The following CFLAR variants were observed in gnomAD, a reference collection of about 807,000 sequenced individuals.
CFLAR encodes the protein CASP8 and FADD-like apoptosis regulator.
Under a neutral mutation model 51.1 loss-of-function variants are expected in CFLAR, and 14 were observed. That is an observed-to-expected ratio of 0.27 (90% CI 0.18 to 0.43). The LOEUF (loss-of-function observed/expected upper bound fraction) is 0.43. Ranked by LOEUF, CFLAR falls within the 20% of genes least tolerant of loss-of-function variation. The pLI, the probability that CFLAR is intolerant of heterozygous loss-of-function variation, is 1.00. For synonymous variants in CFLAR, 210 were observed against 211.6 expected (o/e 0.99, Z 0.06); for missense variants, 390 against 566.5 (o/e 0.69, Z 3.16).
rs1944173939 is a variant in CFLAR at position 201,176,448 on chromosome 2, A to G, written c.*12475A>G. 1 of 152,114 alleles carries G rather than the reference A, an allele frequency of 6.6e-6. No homozygotes were observed. The allele number at this position is 152,114 out of a possible 1,614,324, so 9.4% of individuals were successfully genotyped here. ...GCCTTGCTCAGACCTGAATGTACCC[A>G]TTGTAACAAACCCCTTCTTTGTATA... On this transcript the variant is annotated 3_prime_UTR_variant, in exon 10 of 10. Coordinates refer to ENST00000309955, the MANE Select transcript of CFLAR (RefSeq NM_003879.7).
chr2:201,138,015 T>G lies in CFLAR; in HGVS notation c.523+1908T>G. The G allele has an allele frequency of 1.4e-6, 1 of 734,542 alleles. No homozygotes were observed. The highest frequency in any genetic ancestry group is 1.9e-5 in the Admixed American group (1 of 53,888). 45.5% of individuals were successfully genotyped at this position (734,542 alleles called of 1,614,324 possible). On this transcript the variant is annotated intron_variant, in intron 4 of 9. Transcript: ENST00000309955. This position sits in a 1 kb window ranked among gnomAD's most constrained non-coding sequence, Gnocchi z 4.0. Reference sequence around the variant, plus strand: ...AAAGTTCTGGGTATGCTTGGCCACCTTGTACACAGCAGTGCCCTGGGGCTG... The same window carrying G: ...AAAGTTCTGGGTATGCTTGGCCACCGTGTACACAGCAGTGCCCTGGGGCTG...
Position 201,150,012 on chromosome 2 carries a change from T to C in CFLAR, c.793+177T>C, listed in dbSNP as rs1389686384. On this transcript the variant is annotated intron_variant, in intron 8 of 9. Coordinates refer to ENST00000309955, the MANE Select transcript of CFLAR (RefSeq NM_003879.7). ...ATTCCAGCACTTTGTGAGGCTGAGA[T>C]GGGAGGATCACTTGAGCCCAGTTAA... 9.4e-6 allele frequency: 5 copies of C among 533,154 alleles called. No individual in the cohort carries two copies. The East Asian group carries it at 1.7e-4, about 18-fold the overall frequency. 33.0% of individuals were successfully genotyped at this position (533,154 alleles called of 1,614,324 possible).
At chr2:201,162,057 A>T (rs1943102374) in intron 9 of CFLAR, among the ~76,000 whole-genome samples, 1 of 151,618 alleles carries the variant, frequency 6.6e-6, no homozygotes, top group African/African-American at 2.4e-5. Context: ...CACCTTCCAG[A>T]TCTTTTTTTA....
At chr2:201,156,699 G>C (rs1393135473) in intron 8 of CFLAR, among the ~76,000 whole-genome samples, 1 of 152,102 alleles carries the variant, frequency 6.6e-6, no homozygotes, top group African/African-American at 2.4e-5. Context: ...TGCAAGGCCA[G>C]AAGAACCCCT....
intron 8 of CFLAR, chr2:201,153,578 A>C (rs1339988053): frequency 6.6e-6 from 1 of 152,220 alleles, no homozygotes; most frequent in African/African-American, 2.4e-5. Context: ...CTGTCTGGTT[A>C]ACTTTGCCAT....
chr2:201,149,198 A>G, intron 7 of CFLAR, 146 bp downstream of exon 7: 1 of 577,940 alleles, frequency 1.7e-6, no homozygotes, highest in Admixed American at 3.0e-5. Flanking sequence ...ATACAAGGGA[A>G]CCCTGAATAA....
chr2:201,129,862 T>A lies in CFLAR; in HGVS notation c.-4T>A. 1 of 1,613,644 alleles carries A rather than the reference T, an allele frequency of 6.2e-7. No homozygotes were observed. The highest frequency in any genetic ancestry group is 8.5e-7 in the Non-Finnish European group (1 of 1,179,724). On this transcript the variant is annotated 5_prime_UTR_variant, in exon 2 of 10. Coordinates refer to ENST00000309955, the MANE Select transcript of CFLAR (RefSeq NM_003879.7). ...CTTGTGAGCTTCCCTAGTCTAAGAGTAGGATGTCTGCTGAAGTCATCCATC... is the reference window on the plus strand; with the variant it reads ...CTTGTGAGCTTCCCTAGTCTAAGAGAAGGATGTCTGCTGAAGTCATCCATC...
rs1943779904 is a variant in CFLAR, at chr2:201,168,227, G to C, written c.*4254G>C. 1 of 152,156 alleles carries C rather than the reference G, an allele frequency of 6.6e-6. No individual in the cohort carries two copies. Among genetic ancestry groups the C allele is most frequent in the African/African-American group, 2.4e-5 (1 of 41,428 alleles). 9.4% of individuals were successfully genotyped at this position (152,156 alleles called of 1,614,324 possible). ...ACTGCACTCCAGCCTGGGCGACAGT[G>C]CGAGACTCTGTCTCAAAAATAAATA... On this transcript the variant is annotated 3_prime_UTR_variant, in exon 10 of 10. Coordinates refer to ENST00000309955, the MANE Select transcript of CFLAR (RefSeq NM_003879.7).
chr2:201,145,473 T>C (rs1939938659), intron 6 of CFLAR, 41 bp downstream of exon 6: 1 of 1,244,054 alleles, frequency 8.0e-7, no homozygotes, highest in South Asian at 1.2e-5. Flanking sequence ...TTATAAATGC[T>C]TGATAATTCT....
At chr2:201,130,187 G>GGGGGGGGGGGGGGCC in intron 2 of CFLAR, 41 bp downstream of exon 2, 14 of 292,372 alleles carry the variant, frequency 4.8e-5, no homozygotes, top group East Asian at 1.9e-4. Flanking sequence ...GGGTGGGAGG[G>GGGGGGGGGGGGGGCC]AGTGAAGTGT....
At chr2:201,162,323 C>T (rs1208478215) in intron 9 of CFLAR, among the ~76,000 whole-genome samples, 1 of 151,888 alleles carries the variant, frequency 6.6e-6, no homozygotes, top group African/African-American at 2.4e-5. Flanking sequence ...AGGCTGGTCC[C>T]GAACTCCTGA....
At chr2:201,130,232 TAAG>T (rs1454086899) in intron 2 of CFLAR, 86 bp downstream of exon 2, 13 of 1,294,950 alleles carry the variant, frequency 1.0e-5, no homozygotes, top group Middle Eastern at 2.8e-4. Flanking sequence ...ACGAGGATAA[TAAG>T]AAGTGCAGCC....
rs1943883383 is a variant in CFLAR, at chr2:201,169,537, T to A, written c.*5564T>A. The A allele has an allele frequency of 6.6e-6, 1 of 152,134 alleles. No individual in the cohort carries two copies. Among genetic ancestry groups the A allele is most frequent in the African/African-American group, 2.4e-5 (1 of 41,414 alleles). The allele number at this position is 152,134 out of a possible 1,614,324, so 9.4% of individuals were successfully genotyped here. A position where few individuals can be genotyped will look rare whatever the true frequency, so the allele number is the denominator to read the frequency against. ...AATCTATTTAATACCATTCAAGACA[T>A]AGGCACAAGCAAAGGTTTCATGACA... On this transcript the variant is annotated 3_prime_UTR_variant, in exon 10 of 10. Transcript: ENST00000309955.
In CFLAR at chr2:201,147,358, G is replaced by A. The variant is rs541649885; in HGVS notation, c.662-1645G>A. ...AACCTGGGCAACATGGTGAAACCCC[G>A]TCTCTACTAAAAATACAAAAATTAC... On this transcript the variant is annotated intron_variant, in intron 6 of 9. Transcript: ENST00000309955. Among the ~76,000 whole-genome samples the A allele has an allele frequency of 3.3e-5, 5 of 151,962 alleles. No homozygotes were observed. The South Asian group carries it at 8.3e-4, about 25-fold the overall frequency.
chr2:201,157,240 G>C (rs949487967), intron 8 of CFLAR, among the ~76,000 whole-genome samples: 1 of 152,094 alleles, frequency 6.6e-6, no homozygotes, highest in Non-Finnish European at 1.5e-5. Flanking sequence ...TCCTGGGCTC[G>C]AGTGATCCTC....
chr2:201,176,438 G>C lies in CFLAR; in HGVS notation c.*12465G>C, dbSNP rs555079489. The stretch of plus-strand genomic sequence containing the variant: ...GCCCTCTCCTGCCTTGCTCAGACCT[G>C]AATGTACCCATTGTAACAAACCCCT... On this transcript the variant is annotated 3_prime_UTR_variant, in exon 10 of 10. Transcript: ENST00000309955. 1.1e-4 allele frequency: 17 copies of C among 152,222 alleles called. No individual in the cohort carries two copies. The highest frequency in any genetic ancestry group is 4.1e-4 in the African/African-American group (17 of 41,516). 9.4% of individuals were successfully genotyped at this position (152,222 alleles called of 1,614,324 possible).
At chr2:201,151,595 G>C (rs1941290721) in intron 8 of CFLAR, among the ~76,000 whole-genome samples, 1 of 152,086 alleles carries the variant, frequency 6.6e-6, no homozygotes, top group Non-Finnish European at 1.5e-5. Context: ...ATAAGAATGA[G>C]AAAATATTTT....
chr2:201,138,038 C>G lies in CFLAR; in HGVS notation c.523+1931C>G. On this transcript the variant is annotated intron_variant, in intron 4 of 9. Coordinates refer to ENST00000309955, the MANE Select transcript of CFLAR (RefSeq NM_003879.7). The surrounding 1 kb of genome is among the most constrained non-coding windows in gnomAD (Gnocchi z 4.0). ...CCTTGTACACAGCAGTGCCCTGGGG[C>G]TGACTGCAGGCTATCACTTCCTGGT... 1.4e-6 allele frequency: 1 copy of G among 724,072 alleles called. No homozygotes were observed. Among genetic ancestry groups the G allele is most frequent in the Non-Finnish European group, 2.6e-6 (1 of 390,556 alleles). 44.9% of individuals were successfully genotyped at this position (724,072 alleles called of 1,614,324 possible).
rs559587989 is a variant in CFLAR at position 201,149,404 on chromosome 2, T to A, written c.712-350T>A. On this transcript the variant is annotated intron_variant, in intron 7 of 9. Transcript: ENST00000309955. Reference sequence around the variant, plus strand: ...AAGCAGAAGCAATAGAAGGGCTCCCTTTGTACTTGGGAACATGCCACTTAT... The same window carrying A: ...AAGCAGAAGCAATAGAAGGGCTCCCATTGTACTTGGGAACATGCCACTTAT... The A allele has an allele frequency of 1.1e-3, 323 of 295,124 alleles. 6 individuals are homozygous for A. In the South Asian group the frequency reaches 0.015, roughly 14 times the overall value. The allele number at this position is 295,124 out of a possible 1,614,324, so 18.3% of individuals were successfully genotyped here. A position where few individuals can be genotyped will look rare whatever the true frequency, so the allele number is the denominator to read the frequency against.
Sources: gnomAD v4.1 joint callset for allele counts (sites outside exome capture counted in the v4.1 genomes callset) on GRCh38, gnomAD v4.1.1 for gene constraint, Gnocchi (gnomAD v3.1) non-coding constraint, MANE v1.5 for transcripts, NCBI Gene and HGNC (gene_info 2026-07-23, HGNC 2026-07-21) for gene names.